The following SHISAL1 variants were observed in gnomAD, a reference collection of about 807,000 sequenced individuals.
The protein encoded by SHISAL1 is protein shisa-like-1.
SHISAL1 carries 9 observed loss-of-function variants against 22.6 expected under a neutral mutation model. That is an observed-to-expected ratio of 0.40 (90% CI 0.24 to 0.70). The LOEUF (loss-of-function observed/expected upper bound fraction) is 0.70, where lower values mean the gene tolerates loss of function less well. SHISAL1 is among the 30% of genes least tolerant of loss of function. SHISAL1 has a pLI of 0.39. For missense variants in SHISAL1, 246 were observed against 270.6 expected (o/e 0.91, Z 0.64); for synonymous variants, 119 against 115.4 (o/e 1.03, Z -0.20).
chr22:44,326,513 CA>C, the SHISAL1 span, among the ~76,000 whole-genome samples: 542 of 151,656 alleles, frequency 3.6e-3, 5 homozygotes, highest in Middle Eastern at 0.02. Flanking sequence ...GAAGTGTGAC[CA>C]AAAAAAAATT....
At chr22:44,274,112 G>A (rs942378979) in intron 4 of SHISAL1, among the ~76,000 whole-genome samples, 1 of 149,086 alleles carries the variant, frequency 6.7e-6, no homozygotes, top group Non-Finnish European at 1.5e-5. Context: ...CGGACGTGGT[G>A]GTGGGTGTCT....
At chr22:44,313,628 C>G (rs2055536781), upstream of SHISAL1, among the ~76,000 whole-genome samples, 1 of 152,202 alleles carries the variant, frequency 6.6e-6, no homozygotes, top group South Asian at 2.1e-4. Flanking sequence ...TGGACACAGC[C>G]CAGGGGCCTG....
chr22:44,264,992 A>G (rs1358796105), intron 4 of SHISAL1, among the ~76,000 whole-genome samples: 1 of 143,624 alleles, frequency 7.0e-6, no homozygotes, highest in Non-Finnish European at 1.5e-5. Flanking sequence ...ATCCCTTAAC[A>G]CACACACAAC....
chr22:44,254,975 C>A (rs1174667037), intron 4 of SHISAL1, among the ~76,000 whole-genome samples: 1 of 152,154 alleles, frequency 6.6e-6, no homozygotes, highest in African/African-American at 2.4e-5. Context: ...CTCAGTCCCC[C>A]TTTCACTCAT....
At chr22:44,277,915 C>G (rs546440166) in intron 4 of SHISAL1, among the ~76,000 whole-genome samples, 1 of 152,194 alleles carries the variant, frequency 6.6e-6, no homozygotes, top group Non-Finnish European at 1.5e-5. Context: ...GCCCTGATGA[C>G]CGGCCAGGCT....
At chr22:44,309,552 T>C (rs916969291) in intron 1 of SHISAL1, among the ~76,000 whole-genome samples, 4 of 152,126 alleles carry the variant, frequency 2.6e-5, no homozygotes, top group African/African-American at 9.7e-5. Flanking sequence ...GTCTCTCTGT[T>C]ACACAGATGG....
At chr22:44,272,614 G>T (rs991134943) in intron 4 of SHISAL1, among the ~76,000 whole-genome samples, 1 of 152,198 alleles carries the variant, frequency 6.6e-6, no homozygotes, top group Non-Finnish European at 1.5e-5. Context: ...TCCTTGGGGG[G>T]GACTAAATAC....
chr22:44,290,883 C>T (rs2055348394), intron 3 of SHISAL1, among the ~76,000 whole-genome samples: 1 of 152,164 alleles, frequency 6.6e-6, no homozygotes, highest in Non-Finnish European at 1.5e-5. Flanking sequence ...AGTGCCTCGC[C>T]CAAGGTCACA....
In SHISAL1 at chr22:44,249,568, T is replaced by TGCC; in HGVS notation, c.*114_*116dup. 1 of 731,990 alleles carries TGCC rather than the reference T, an allele frequency of 1.4e-6. No homozygotes were observed. Among genetic ancestry groups the TGCC allele is most frequent in the South Asian group, 1.4e-5 (1 of 69,104 alleles). The allele number at this position is 731,990 out of a possible 1,614,324, so 45.3% of individuals were successfully genotyped here. On this transcript the variant is annotated 3_prime_UTR_variant, in exon 5 of 5. Coordinates refer to ENST00000381176, the MANE Select transcript of SHISAL1 (RefSeq NM_001099294.2). ...TGGGCACAGGCAGCATTTCCTCCTGTGCCACCGCCGCTACCTCGGCTGTCC... is the reference window on the plus strand; with the variant it reads ...TGGGCACAGGCAGCATTTCCTCCTGTGCCGCCACCGCCGCTACCTCGGCTGTCC...
At chr22:44,301,690 G>T (rs993747224) in intron 1 of SHISAL1, among the ~76,000 whole-genome samples, 1 of 152,164 alleles carries the variant, frequency 6.6e-6, no homozygotes, top group Non-Finnish European at 1.5e-5. Context: ...TCAACAAAAG[G>T]TGGCCCGTCA....
At chr22:44,312,251 A>G (rs2055524599) in intron 1 of SHISAL1, among the ~76,000 whole-genome samples, 1 of 152,126 alleles carries the variant, frequency 6.6e-6, no homozygotes, top group African/African-American at 2.4e-5. Context: ...TACCGGTGTG[A>G]TGCTGGACTG....
rs151193746 is a variant in SHISAL1 at position 44,302,139 on chromosome 22, G to A, written c.-32-1162C>T. Among the ~76,000 whole-genome samples, 682 of 152,286 alleles carry A rather than the reference G, an allele frequency of 4.5e-3. 6 individuals carry two copies. The highest frequency in any genetic ancestry group is 0.016 in the African/African-American group (661 of 41,544). ...GCGGATCACCTGAGGTCAGGAGTTCGAGACCAGCCTGACCAACCTGGACAA... is the reference window on the plus strand; with the variant it reads ...GCGGATCACCTGAGGTCAGGAGTTCAAGACCAGCCTGACCAACCTGGACAA... On this transcript the variant is annotated intron_variant, in intron 1 of 4. Coordinates refer to ENST00000381176, the MANE Select transcript of SHISAL1 (RefSeq NM_001099294.2).
chr22:44,275,343 C>G (rs989413964), intron 4 of SHISAL1, among the ~76,000 whole-genome samples: 20 of 152,236 alleles, frequency 1.3e-4, no homozygotes, highest in Admixed American at 1.1e-3. Flanking sequence ...AAGCTGGCAC[C>G]ATCACCTCAA....
chr22:44,271,091 C>T (rs1271709710), intron 4 of SHISAL1, among the ~76,000 whole-genome samples: 2 of 152,094 alleles, frequency 1.3e-5, no homozygotes, highest in African/African-American at 4.8e-5. Context: ...CTAGGCCCTC[C>T]CCACATCCCC....
chr22:44,316,154 C>A (rs1252784887), upstream of SHISAL1, among the ~76,000 whole-genome samples: 1 of 152,126 alleles, frequency 6.6e-6, no homozygotes. Flanking sequence ...AGATTTGGAG[C>A]AGACCAAGCC....
chr22:44,311,196 A>T (rs1656048912), intron 1 of SHISAL1, among the ~76,000 whole-genome samples: 1 of 151,692 alleles, frequency 6.6e-6, no homozygotes, highest in African/African-American at 2.4e-5. Context: ...GCCGGCTCAC[A>T]CCCCCTGGGC....
At chr22:44,286,032 T>C (rs1041717353) in intron 3 of SHISAL1, among the ~76,000 whole-genome samples, 2 of 152,130 alleles carry the variant, frequency 1.3e-5, no homozygotes, top group Non-Finnish European at 2.9e-5. Context: ...GTCAGACACT[T>C]TGGGGGGAAT....
chr22:44,283,144 G>A (rs1000022620), intron 4 of SHISAL1, among the ~76,000 whole-genome samples: 1 of 152,132 alleles, frequency 6.6e-6, no homozygotes, highest in Admixed American at 6.5e-5. Flanking sequence ...GGAGTGGGAC[G>A]GTGCCCGTGA....
At chr22:44,316,636 G>A (rs1331159967), upstream of SHISAL1, among the ~76,000 whole-genome samples, 1 of 152,204 alleles carries the variant, frequency 6.6e-6, no homozygotes, top group Non-Finnish European at 1.5e-5. Context: ...ACTTCTGGGT[G>A]AGATCATTGC....
Sources: gnomAD v4.1 joint callset for allele counts (sites outside exome capture counted in the v4.1 genomes callset) on GRCh38, gnomAD v4.1.1 for gene constraint, MANE v1.5 for transcripts, NCBI Gene and HGNC (gene_info 2026-07-23, HGNC 2026-07-21) for gene names.